The following FREM2 variants were observed in gnomAD, a reference collection of about 807,000 sequenced individuals.
The protein encoded by FREM2 is FRAS1 related extracellular matrix 2.
In FREM2, 119 loss-of-function variants were observed where a neutral mutation model predicts 219.9. The ratio of observed to expected loss-of-function variants is 0.54; its 90% CI spans 0.47 to 0.63. The LOEUF is 0.63. Ranked by LOEUF, FREM2 falls within the 30% of genes least tolerant of loss-of-function variation. FREM2 has a pLI of 0.00. For synonymous variants in FREM2, 1,562 were observed against 1,522.8 expected, an observed-to-expected ratio of 1.03 and a Z score of -0.60; for missense variants, 4,030 against 3,993.6, an observed-to-expected ratio of 1.01 and a Z score of -0.25.
intron 6 of FREM2, among the ~76,000 whole-genome samples, chr13:38,793,487 A>C (rs571972087): frequency 6.6e-6 from 1 of 152,324 alleles, no homozygotes; most frequent in East Asian, 1.9e-4. Flanking sequence ...GGATACAGCA[A>C]AAAACTAGAG....
intron 16 of FREM2, among the ~76,000 whole-genome samples, chr13:38,866,204 G>A (rs9548514): frequency 0.39 from 59,342 of 151,908 alleles, 12,721 homozygotes; most frequent in African/African-American, 0.56. Flanking sequence ...TGTTAAAATC[G>A]TTTCATACGC....
chr13:38,878,693 A>G, intron 22 of FREM2, 138 bp from the exon 23 acceptor site: 1 of 932,566 alleles, frequency 1.1e-6, no homozygotes, highest in Non-Finnish European at 1.7e-6. Context: ...AAAACCAACA[A>G]AATGATCATT....
rs1436367677 is a variant in FREM2 at position 38,689,767 on chromosome 13, A to G, written c.2423A>G (p.Asp808Gly). Reference sequence around the variant, plus strand: ...GCCCAGTTCCAGTTCCAGGTGGAAGACCGAGCTGGGAATGTGGCTCCAGGT... The same window carrying G: ...GCCCAGTTCCAGTTCCAGGTGGAAGGCCGAGCTGGGAATGTGGCTCCAGGT... ...RVAQFQFQVEDRAGNVAPGTF... is the reference protein window; with the variant it reads ...RVAQFQFQVEGRAGNVAPGTF... Residue 808 changes from aspartate (D) to glycine (G), a missense_variant, in exon 1 of 24, where the codon GAC becomes GGC. Asp to Gly is a moderately conservative substitution (Grantham distance 94). This residue lies in a region of FREM2 where 3,102 missense variants were observed against 2,950.7 expected (regional missense o/e 1.05). Transcript: ENST00000280481. 3 of 1,613,400 alleles carry G rather than the reference A, an allele frequency of 1.9e-6. No individual in the cohort carries two copies. Among genetic ancestry groups the G allele is most frequent in the Non-Finnish European group, 2.5e-6 (3 of 1,179,688 alleles).
At chr13:38,768,374 G>A (rs181795765) in intron 3 of FREM2, among the ~76,000 whole-genome samples, 234 of 152,026 alleles carry the variant, frequency 1.5e-3, no homozygotes, top group African/African-American at 4.8e-3. Flanking sequence ...TGACCTCCTA[G>A]GGCTCAGGTG....
chr13:38,884,609 A>G lies in FREM2; in HGVS notation c.*3822A>G, dbSNP rs926980897. The stretch of plus-strand genomic sequence containing the variant: ...AGCACATTGCCATTCTTTGAAACTC[A>G]TGTTTCTAGACATGACAGCAGTAAT... On this transcript the variant is annotated 3_prime_UTR_variant, in exon 24 of 24. Transcript: ENST00000280481. 4 of 152,212 alleles carry G rather than the reference A, an allele frequency of 2.6e-5. No homozygotes were observed. Among genetic ancestry groups the G allele is most frequent in the African/African-American group, 9.6e-5 (4 of 41,462 alleles). 9.4% of individuals were successfully genotyped at this position (152,212 alleles called of 1,614,324 possible).
At chr13:38,784,300 G>A (rs1874238231) in intron 5 of FREM2, among the ~76,000 whole-genome samples, 1 of 152,234 alleles carries the variant, frequency 6.6e-6, no homozygotes, top group Admixed American at 6.5e-5. Flanking sequence ...TTGTAACATT[G>A]TGTTGATCTA....
chr13:38,727,017 T>C (rs9576605), intron 2 of FREM2, among the ~76,000 whole-genome samples: 18,267 of 152,170 alleles, frequency 0.12, 1,292 homozygotes, highest in Middle Eastern at 0.23. Flanking sequence ...AAATTCTTTA[T>C]TGAATCTAAT....
intron 2 of FREM2, among the ~76,000 whole-genome samples, chr13:38,746,234 C>A (rs1440011632): frequency 6.6e-6 from 1 of 152,154 alleles, no homozygotes; most frequent in Non-Finnish European, 1.5e-5. Flanking sequence ...CATCTCAATC[C>A]TATTTTACCT....
At chr13:38,721,142 T>A (rs1414664527) in intron 2 of FREM2, among the ~76,000 whole-genome samples, 2 of 152,096 alleles carry the variant, frequency 1.3e-5, no homozygotes, top group Non-Finnish European at 2.9e-5. Context: ...ATCCTGCACA[T>A]GTACCCTGGA....
rs1428982315 is a variant in FREM2, at chr13:38,850,118, G to GCA, written c.6460_6461insCA (p.Gly2154AlafsTer10). 6.2e-7 allele frequency: 1 copy of GCA among 1,613,732 alleles called. No individual in the cohort carries two copies. The highest frequency in any genetic ancestry group is 8.5e-7 in the Non-Finnish European group (1 of 1,179,676). Reference sequence around the variant, plus strand: ...GATAGTTACAATGATCCATAGGACTGGGGATGTCCAGTACAGATCTTCAGT... The same window carrying GCA: ...GATAGTTACAATGATCCATAGGACTGCAGGGATGTCCAGTACAGATCTTCAGT... On this transcript the variant is annotated frameshift_variant, in exon 9 of 24. Transcript: ENST00000280481. LOFTEE classifies it high-confidence loss of function.
At chr13:38,866,503 AT>A (rs751203020) in intron 16 of FREM2, among the ~76,000 whole-genome samples, 6 of 151,932 alleles carry the variant, frequency 3.9e-5, no homozygotes, top group South Asian at 2.1e-4. Flanking sequence ...GTCAAAAAAA[AT>A]AAAATAAAAT....
chr13:38,804,399 G>T (rs912822929), intron 6 of FREM2, among the ~76,000 whole-genome samples: 2 of 151,394 alleles, frequency 1.3e-5, no homozygotes, highest in Admixed American at 6.6e-5. Context: ...CAAACAGTAT[G>T]TATAAAATAT....
intron 2 of FREM2, among the ~76,000 whole-genome samples, chr13:38,700,654 G>A (rs1306749119): frequency 2.0e-5 from 3 of 152,072 alleles, no homozygotes; most frequent in Non-Finnish European, 2.9e-5. Flanking sequence ...AGGAAACTGA[G>A]TCACCAAAAT....
At chr13:38,772,086 C>T (rs1239277468) in intron 4 of FREM2, among the ~76,000 whole-genome samples, 1 of 152,072 alleles carries the variant, frequency 6.6e-6, no homozygotes, top group Admixed American at 6.6e-5. Context: ...ATAAATTCAC[C>T]TGCCCTAGGA....
intron 6 of FREM2, among the ~76,000 whole-genome samples, chr13:38,833,130 T>C (rs1593434934): frequency 6.6e-6 from 1 of 152,230 alleles, no homozygotes; most frequent in East Asian, 1.9e-4. Flanking sequence ...AGTATGTATA[T>C]ATACTTTTTA....
intron 6 of FREM2, among the ~76,000 whole-genome samples, chr13:38,838,476 C>A (rs1359146991): frequency 1.3e-5 from 2 of 152,080 alleles, no homozygotes; most frequent in Non-Finnish European, 2.9e-5. Flanking sequence ...TTGTGGTGTT[C>A]TCTGTATTTC....
At chr13:38,704,720 A>C (rs1011122731) in intron 2 of FREM2, among the ~76,000 whole-genome samples, 1 of 152,224 alleles carries the variant, frequency 6.6e-6, no homozygotes, top group Admixed American at 6.5e-5. Context: ...TGGTCTAAAG[A>C]ACTACCTGAG....
At position 38,690,579 on chromosome 13, in the gene FREM2, G is replaced by C; in HGVS notation, c.3235G>C (p.Glu1079Gln). ...IFVGEQLIVM[E>Q]GDKSVITSVH... is the part of the protein sequence containing the mutation. ...TGTAGGTGAACAGTTGATAGTAATGGAAGGTGATAAAAGTGTTATAACATC... is the reference window on the plus strand; with the variant it reads ...TGTAGGTGAACAGTTGATAGTAATGCAAGGTGATAAAAGTGTTATAACATC... The change falls in exon 1 of 24, where the codon GAA becomes CAA. Residue 1079 changes from glutamate to glutamine, a missense_variant. Physicochemically the swap from Glu to Gln is conservative, Grantham distance 29. Transcript: ENST00000280481. The C allele has an allele frequency of 1.2e-6, 2 of 1,614,108 alleles. No individual in the cohort carries two copies. The highest frequency in any genetic ancestry group is 1.7e-6 in the Non-Finnish European group (2 of 1,180,030).
chr13:38,782,989 A>G, intron 4 of FREM2, 81 bp from the exon 5 acceptor site: 1 of 1,504,518 alleles, frequency 6.6e-7, no homozygotes, highest in Non-Finnish European at 9.2e-7. Flanking sequence ...CAATCATTAG[A>G]GAAATTTTAA....
Sources: allele counts gnomAD v4.1 joint callset (sites outside exome capture counted in the v4.1 genomes callset), GRCh38; gene constraint gnomAD v4.1.1; regional missense constraint gnomAD v4.1.1; transcripts MANE v1.5; gene names NCBI Gene and HGNC (gene_info 2026-07-23, HGNC 2026-07-21).